STPG2: variants seen among roughly 807,000 people sequenced by gnomAD.
STPG2 encodes sperm tail PG-rich repeat containing 2, also known as sperm-tail PG-rich repeat-containing protein 2.
STPG2 carries 56 observed loss-of-function variants against 54.2 expected under a neutral mutation model. The observed-to-expected ratio is 1.03, with a 90% CI of 0.83 to 1.29. The LOEUF (loss-of-function observed/expected upper bound fraction) is 1.29, where lower values mean the gene tolerates loss of function less well. STPG2 is among the 50% of genes most tolerant of loss of function. The pLI, the probability that STPG2 is intolerant of heterozygous loss-of-function variation, is 0.00. For missense variants in STPG2, 596 were observed against 544.9 expected (o/e 1.09, Z -0.93); for synonymous variants, 200 against 181.8 (o/e 1.10, Z -0.81).
At chr4:97,999,370 G>A (rs1735339978) in intron 5 of STPG2, among the ~76,000 whole-genome samples, 1 of 152,134 alleles carries the variant, frequency 6.6e-6, no homozygotes, top group Non-Finnish European at 1.5e-5. Context: ...ACACACTCCT[G>A]GCTAATGAAT....
chr4:98,108,993 A>C (rs1321552708), intron 4 of STPG2, among the ~76,000 whole-genome samples, 200 bp downstream of exon 4: 3 of 152,128 alleles, frequency 2.0e-5, no homozygotes, highest in African/African-American at 7.2e-5. Context: ...ACAAGCCTGC[A>C]TGTTCTGCAC....
intron 9 of STPG2, among the ~76,000 whole-genome samples, chr4:97,814,706 G>C (rs1368949061): frequency 6.6e-6 from 1 of 152,116 alleles, no homozygotes; most frequent in Non-Finnish European, 1.5e-5. Context: ...TACCTAATCA[G>C]CTGCCAGCAT....
At chr4:98,020,596 C>A (rs749743585) in intron 5 of STPG2, among the ~76,000 whole-genome samples, 15 of 152,154 alleles carry the variant, frequency 9.9e-5, no homozygotes, top group Non-Finnish European at 2.1e-4. Flanking sequence ...AGGAATGGTA[C>A]CAGCTCCTCC....
chr4:97,692,276 T>A (rs1578484130), intron 10 of STPG2, among the ~76,000 whole-genome samples: 23 of 57,310 alleles, frequency 4.0e-4, no homozygotes, highest in South Asian at 1.0e-3. Context: ...CTTAAAGAAA[T>A]CAAAAAGATG....
chr4:97,603,706 C>T (rs189973329), intron 10 of STPG2, among the ~76,000 whole-genome samples: 45 of 151,488 alleles, frequency 3.0e-4, no homozygotes, highest in Non-Finnish European at 3.3e-4. Flanking sequence ...CCTTGAGGGT[C>T]TCATGGTAAG....
At chr4:97,515,948 A>G (rs1167351144) in intron 4 of STPG2, among the ~76,000 whole-genome samples, 1 of 152,084 alleles carries the variant, frequency 6.6e-6, no homozygotes, top group Non-Finnish European at 1.5e-5. Context: ...AATTAAAGAG[A>G]TTGTTTCGAA....
intron 9 of STPG2, among the ~76,000 whole-genome samples, chr4:97,804,838 G>A (rs1054135703): frequency 1.3e-5 from 2 of 151,974 alleles, no homozygotes; most frequent in Non-Finnish European, 2.9e-5. Context: ...CACTATGGGG[G>A]TAATACTTGC....
intron 8 of STPG2, among the ~76,000 whole-genome samples, chr4:97,917,791 T>C (rs1731941020): frequency 6.6e-6 from 1 of 152,132 alleles, no homozygotes; most frequent in South Asian, 2.1e-4. Flanking sequence ...GACACTTTTT[T>C]TTAGACAAGA....
At chr4:97,675,026 G>A (rs1385618199) in intron 10 of STPG2, among the ~76,000 whole-genome samples, 3 of 151,136 alleles carry the variant, frequency 2.0e-5, no homozygotes, top group Admixed American at 2.0e-4. Flanking sequence ...TTTTTGAGAC[G>A]AAGTTTTGCT....
chr4:97,940,894 C>T (rs1182896930), intron 8 of STPG2, among the ~76,000 whole-genome samples: 2 of 152,014 alleles, frequency 1.3e-5, no homozygotes, highest in Non-Finnish European at 2.9e-5. Flanking sequence ...TTTACTTTGT[C>T]TAGGAAATGC....
chr4:97,538,689 G>T (rs1300286514), intron 4 of STPG2, among the ~76,000 whole-genome samples: 5 of 152,104 alleles, frequency 3.3e-5, no homozygotes, highest in African/African-American at 1.2e-4. Flanking sequence ...GAAATACAGA[G>T]AATGCCACAA....
intron 10 of STPG2, among the ~76,000 whole-genome samples, chr4:97,561,677 G>T (rs552024269): frequency 2.0e-5 from 3 of 152,228 alleles, no homozygotes; most frequent in South Asian, 2.1e-4. Context: ...AGTTTTCCCA[G>T]CACCATTTAT....
intron 8 of STPG2, among the ~76,000 whole-genome samples, chr4:97,912,134 A>C (rs952798594): frequency 1.3e-5 from 2 of 152,170 alleles, no homozygotes; most frequent in Admixed American, 1.3e-4. Flanking sequence ...AGAAAGAAAA[A>C]AAAACACCCT....
At chr4:97,977,768 A>C (rs1734544505) in intron 6 of STPG2, among the ~76,000 whole-genome samples, 1 of 152,188 alleles carries the variant, frequency 6.6e-6, no homozygotes, top group Admixed American at 6.5e-5. Flanking sequence ...CAATTATACG[A>C]AGTGTATTAC....
intron 9 of STPG2, among the ~76,000 whole-genome samples, chr4:97,775,589 T>C (rs1051924703): frequency 2.0e-5 from 3 of 152,184 alleles, no homozygotes; most frequent in South Asian, 2.1e-4. Flanking sequence ...TTGAGAGCAA[T>C]GAAAGCACAA....
chr4:97,749,454 A>G (rs1331228080), intron 9 of STPG2, among the ~76,000 whole-genome samples: 1 of 151,824 alleles, frequency 6.6e-6, no homozygotes, highest in Non-Finnish European at 1.5e-5. Context: ...CAAGATAGTA[A>G]GAACTTGCCA....
chr4:98,134,266 A>G, intron 2 of STPG2, 81 bp downstream of exon 2: 1 of 666,788 alleles, frequency 1.5e-6, no homozygotes, highest in Non-Finnish European at 2.3e-6. Flanking sequence ...AGCAGAAAAT[A>G]AAATACAACA....
intron 9 of STPG2, among the ~76,000 whole-genome samples, chr4:97,714,810 G>GT (rs1578501978): frequency 6.6e-6 from 1 of 152,126 alleles, no homozygotes; most frequent in East Asian, 1.9e-4. Context: ...GAAAATTGTA[G>GT]TTTTAACCGT....
intron 10 of STPG2, among the ~76,000 whole-genome samples, chr4:97,649,429 T>C (rs1260551531): frequency 6.6e-6 from 1 of 152,122 alleles, no homozygotes; most frequent in Non-Finnish European, 1.5e-5. Flanking sequence ...CAGGCTGTTT[T>C]TAGGGCAAAA....
Sources: allele counts gnomAD v4.1 joint callset (sites outside exome capture counted in the v4.1 genomes callset), GRCh38; gene constraint gnomAD v4.1.1; transcripts MANE v1.5; gene names NCBI Gene and HGNC (gene_info 2026-07-23, HGNC 2026-07-21).